The following NUP58 variants were observed in gnomAD, a reference collection of about 807,000 sequenced individuals.
The protein encoded by NUP58 is nucleoporin 58.
A neutral mutation model predicts 70.1 loss-of-function variants in NUP58; 17 were observed. The observed-to-expected ratio is 0.24, with a 90% CI of 0.17 to 0.36. The LOEUF (loss-of-function observed/expected upper bound fraction) is 0.36, where lower values mean the gene tolerates loss of function less well. Ranked by LOEUF, NUP58 falls within the 10% of genes least tolerant of loss-of-function variation. The pLI, the probability that NUP58 is intolerant of heterozygous loss-of-function variation, is 1.00. For missense variants in NUP58, 644 were observed against 701.5 expected, an observed-to-expected ratio of 0.92 and a Z score of 0.93; for synonymous variants, 275 against 257.6, an observed-to-expected ratio of 1.07 and a Z score of -0.65.
At chr13:25,313,120 A>C in intron 4 of NUP58, 88 bp downstream of exon 4, 1 of 1,420,762 alleles carries the variant, frequency 7.0e-7, no homozygotes, top group Non-Finnish European at 9.5e-7. Context: ...TTACTACAGA[A>C]ATTATTGATT....
chr13:25,334,287 A>G (rs1593199210), intron 13 of NUP58: 1 of 985,212 alleles, frequency 1.0e-6, no homozygotes, highest in East Asian at 1.1e-4. Context: ...AATTTAGGAT[A>G]GGTTTTTTAG....
chr13:25,333,889 G>A (rs892816742), intron 13 of NUP58: 1 of 985,192 alleles, frequency 1.0e-6, no homozygotes, highest in Non-Finnish European at 1.2e-6. Flanking sequence ...GTTATCAGAA[G>A]GGTTTTGCTT....
chr13:25,302,700 T>G (rs1184598852), intron 1 of NUP58, among the ~76,000 whole-genome samples: 3 of 152,180 alleles, frequency 2.0e-5, no homozygotes, highest in African/African-American at 7.2e-5. Flanking sequence ...GTGTGCACAC[T>G]GTCAACAAGA....
At chr13:25,302,181 T>C (rs2030049859) in intron 1 of NUP58, among the ~76,000 whole-genome samples, 1 of 152,268 alleles carries the variant, frequency 6.6e-6, no homozygotes. Context: ...CCTTGGGGTC[T>C]ACCCCGGAGC....
chr13:25,333,823 TAG>T, intron 13 of NUP58: 1 of 985,400 alleles, frequency 1.0e-6, no homozygotes, highest in Non-Finnish European at 1.2e-6. Context: ...TAGATGAGGG[TAG>T]AGAGAGCTTA....
intron 6 of NUP58, among the ~76,000 whole-genome samples, chr13:25,319,024 C>T (rs2031065603): frequency 6.6e-6 from 1 of 152,138 alleles, no homozygotes; most frequent in South Asian, 2.1e-4. Context: ...CTTATGTGTA[C>T]AGATGTCTTC....
chr13:25,331,512 C>T lies in NUP58; in HGVS notation c.1389C>T (p.Ala463=), dbSNP rs774160973. The T allele has an allele frequency of 6.2e-6, 10 of 1,613,974 alleles. No homozygotes were observed. Among genetic ancestry groups the T allele is most frequent in the East Asian group, 2.2e-5 (1 of 44,884 alleles). ...TPFSTMPNAA[A]VAMAATLTQQ... ...TCAGCACCATGCCAAACGCAGCAGC[C>T]GTTGCCATGGCTGCAACACTTACAC... The change falls in exon 13 of 16, where the codon GCC becomes GCT. Residue 463 remains alanine, a synonymous_variant. Transcript: ENST00000381736.
intron 9 of NUP58, among the ~76,000 whole-genome samples, chr13:25,323,164 A>G (rs2031255835): frequency 6.6e-6 from 1 of 152,154 alleles, no homozygotes; most frequent in African/African-American, 2.4e-5. Flanking sequence ...AAAGATTGAG[A>G]AGAGCATAAA....
intron 13 of NUP58, 152 bp from the exon 14 acceptor site, chr13:25,336,784 A>G (rs2031800436): frequency 3.6e-6 from 2 of 559,082 alleles, no homozygotes; most frequent in Admixed American, 7.2e-5. Flanking sequence ...TAGACTGGAG[A>G]GACATCCTGA....
intron 15 of NUP58, 143 bp from the exon 16 acceptor site, chr13:25,339,822 G>T: frequency 1.5e-6 from 1 of 682,318 alleles, no homozygotes. Context: ...AAAATTTCAT[G>T]TTAGAAATTT....
At chr13:25,315,118 T>C (rs760827599) in intron 5 of NUP58, among the ~76,000 whole-genome samples, 1 of 152,134 alleles carries the variant, frequency 6.6e-6, no homozygotes, top group Non-Finnish European at 1.5e-5. Context: ...TGAATTGATA[T>C]ATGTTCTGGC....
chr13:25,314,512 A>G (rs2030836379), intron 5 of NUP58, among the ~76,000 whole-genome samples: 1 of 152,104 alleles, frequency 6.6e-6, no homozygotes, highest in South Asian at 2.1e-4. Context: ...CCTGACCAAC[A>G]TGGTGAAACC....
In NUP58 at chr13:25,341,259, TA is replaced by T. The variant is rs2031946861; in HGVS notation, c.*1126del. 1.3e-5 allele frequency: 2 copies of T among 152,742 alleles called. No homozygotes were observed. The highest frequency in any genetic ancestry group is 2.9e-5 in the Non-Finnish European group (2 of 68,018). The allele number at this position is 152,742 out of a possible 1,614,324, so 9.5% of individuals were successfully genotyped here. A position where few individuals can be genotyped will look rare whatever the true frequency, so the allele number is the denominator to read the frequency against. On this transcript the variant is annotated 3_prime_UTR_variant, in exon 16 of 16. Transcript: ENST00000381736. ...ACCATTTTATTATCCTGTGTGTCCT[TA>T]CATTGCTTCTGTGAGATGTTTTTTT... is the stretch of plus-strand genomic sequence containing the variant.
At chr13:25,331,985 G>A in intron 13 of NUP58, 1 of 1,022,074 alleles carries the variant, frequency 9.8e-7, no homozygotes, top group Non-Finnish European at 1.2e-6. Context: ...CTCATACATA[G>A]TGATTACAAA....
At chr13:25,322,119 T>C (rs1194932893) in intron 9 of NUP58, among the ~76,000 whole-genome samples, 2 of 152,248 alleles carry the variant, frequency 1.3e-5, no homozygotes, top group Non-Finnish European at 2.9e-5. Context: ...GATCTCATCA[T>C]AGCAGTCTAG....
chr13:25,307,976 A>G, intron 2 of NUP58, 28 bp downstream of exon 2: 2 of 1,611,108 alleles, frequency 1.2e-6, no homozygotes, highest in Non-Finnish European at 1.7e-6. Context: ...ACATTGTCAG[A>G]GAGTAGGCTT....
chr13:25,320,838 G>T, intron 8 of NUP58, 81 bp from the exon 9 acceptor site: 1 of 919,588 alleles, frequency 1.1e-6, no homozygotes, highest in South Asian at 2.0e-5. Flanking sequence ...AAAACACTTG[G>T]ACTGTTTTAA....
intron 1 of NUP58, chr13:25,302,865 C>G: frequency 2.3e-6 from 1 of 431,958 alleles, no homozygotes; most frequent in Non-Finnish European, 4.6e-6. Context: ...TCTTACTCTA[C>G]TCGCTCAACA....
At chr13:25,310,745 A>G (rs534721117) in intron 3 of NUP58, among the ~76,000 whole-genome samples, 1 of 152,262 alleles carries the variant, frequency 6.6e-6, no homozygotes, top group African/African-American at 2.4e-5. Flanking sequence ...GATCAGGGCA[A>G]TCCAGAAGCA....
Sources: gnomAD v4.1 joint callset for allele counts (sites outside exome capture counted in the v4.1 genomes callset) on GRCh38, gnomAD v4.1.1 for gene constraint, MANE v1.5 for transcripts, NCBI Gene and HGNC (gene_info 2026-07-23, HGNC 2026-07-21) for gene names.